The following MCF2L variants were observed in gnomAD, a reference collection of about 807,000 sequenced individuals.
MCF2L encodes MCF.2 cell line derived transforming sequence like, also known as guanine nucleotide exchange factor DBS.
Under a neutral mutation model 153.4 loss-of-function variants are expected in MCF2L, and 97 were observed. The observed-to-expected ratio is 0.63, with a 90% CI of 0.54 to 0.75. MCF2L has a LOEUF of 0.75. MCF2L is among the 30% of genes least tolerant of loss of function. The pLI, the probability that MCF2L is intolerant of heterozygous loss-of-function variation, is 0.00. For missense variants in MCF2L, 1,347 were observed against 1,495.2 expected (o/e 0.90, Z 1.64); for synonymous variants, 659 against 632.2 (o/e 1.04, Z -0.64).
chr13:113,007,916 CTTTTTTTTTTTTT>C (rs55800416), intron 1 of MCF2L, among the ~76,000 whole-genome samples: 71 of 112,958 alleles, frequency 6.3e-4, no homozygotes, highest in South Asian at 1.3e-3. Flanking sequence ...TTTTCTTTTT[CTTTTTTTTTTTTT>C]TTTTTGAGAT....
intron 9 of MCF2L, among the ~76,000 whole-genome samples, chr13:113,073,144 C>G (rs1411989716): frequency 1.3e-5 from 2 of 148,344 alleles, no homozygotes; most frequent in African/African-American, 5.0e-5. Flanking sequence ...TCTTTCCATT[C>G]TTGATTTCAA....
intron 2 of MCF2L, among the ~76,000 whole-genome samples, chr13:112,915,410 C>CACAAAAAAAAAAAAA (rs1555349857): frequency 1.2e-5 from 1 of 86,924 alleles, no homozygotes; most frequent in African/African-American, 5.3e-5. Context: ...CTCTGTCTCA[C>CACAAAAAAAAAAAAA]AAAAAAAAAA....
chr13:112,916,441 C>G (rs541300562), intron 2 of MCF2L, among the ~76,000 whole-genome samples: 2 of 152,276 alleles, frequency 1.3e-5, no homozygotes, highest in South Asian at 2.1e-4. Flanking sequence ...GGTGTTTCAT[C>G]AGTCTTTGGG....
At position 113,035,283 on chromosome 13, in the gene MCF2L, G is replaced by A. The variant is rs1368634136; in HGVS notation, c.279-9988G>A. ...ACCATGTAGTGCACTTATGAATCGT[G>A]CATATTTTACTCTAAGGCCTGTCTG... is the stretch of plus-strand genomic sequence containing the variant. On this transcript the variant is annotated intron_variant, in intron 3 of 29. Coordinates refer to ENST00000535094, the MANE Select transcript of MCF2L (RefSeq NM_001112732.3). This position sits in a 1 kb window ranked among gnomAD's most constrained non-coding sequence, Gnocchi z 4.4. Among the ~76,000 whole-genome samples, 8 of 152,186 alleles carry A rather than the reference G, an allele frequency of 5.3e-5. No individual in the cohort carries two copies. The highest frequency in any genetic ancestry group is 1.2e-4 in the Non-Finnish European group (8 of 68,042).
At position 113,065,029 on chromosome 13, in the gene MCF2L, G is replaced by T. The variant is rs368858019; in HGVS notation, c.700G>T (p.Val234Phe). The T allele has an allele frequency of 4.3e-6, 7 of 1,612,610 alleles. No individual in the cohort carries two copies. Among genetic ancestry groups the T allele is most frequent in the East Asian group, 4.5e-5 (2 of 44,868 alleles). Residue 234 changes from valine to phenylalanine, a missense_variant, in exon 7 of 30, where the codon GTC becomes TTC. Around this residue, in one of 3 missense-constraint regions of MCF2L, gnomAD observed 820 missense variants for 921.2 expected, o/e 0.89. Coordinates refer to ENST00000535094, the MANE Select transcript of MCF2L (RefSeq NM_001112732.3). Reference protein sequence around the residue: ...ELAETELPNDVQSTSSVLCAH... With the variant: ...ELAETELPNDFQSTSSVLCAH... ...GGCTGAAACAGAGCTGCCCAATGAC[G>T]TCCAGTCGACAAGCTCAGTGCTGTG...
chr13:113,045,386 C>T lies in MCF2L; in HGVS notation c.369+25C>T. The T allele has an allele frequency of 6.3e-7, 1 of 1,592,988 alleles. No homozygotes were observed. The highest frequency in any genetic ancestry group is 8.6e-7 in the Non-Finnish European group (1 of 1,161,296). The stretch of plus-strand genomic sequence containing the variant: ...AGTAAGTGCCACCCGGGGCTCTGCC[C>T]TGCGCCCGGCCCCTCCCTGGGCTGC... On this transcript the variant is annotated intron_variant, in intron 4 of 29. Transcript: ENST00000535094. This position sits in a 1 kb window ranked among gnomAD's most constrained non-coding sequence, Gnocchi z 4.2.
Position 113,090,100 on chromosome 13 carries a change from T to G in MCF2L, c.2953+372T>G, listed in dbSNP as rs571065553. 2.8e-5 allele frequency: 43 copies of G among 1,549,992 alleles called. No individual in the cohort carries two copies. The African/African-American group carries it at 5.6e-4, about 20-fold the overall frequency. On this transcript the variant is annotated intron_variant, in intron 26 of 29. Transcript: ENST00000535094. ...GGTCACTAGCTCTGCCTCAGAAAGC[T>G]CTGCGCTTTCCAGAAAGCGCTTTAC...
chr13:112,970,804 A>G (rs2082015108), intron 1 of MCF2L, among the ~76,000 whole-genome samples: 1 of 152,298 alleles, frequency 6.6e-6, no homozygotes, highest in African/African-American at 2.4e-5. Flanking sequence ...GAAAAAGGCT[A>G]TCTCAGAAGA....
chr13:112,918,295 G>A (rs1175553661), intron 2 of MCF2L, among the ~76,000 whole-genome samples: 1 of 152,226 alleles, frequency 6.6e-6, no homozygotes, highest in African/African-American at 2.4e-5. Flanking sequence ...TAACACTGGG[G>A]ATGGGGATCA....
intron 4 of MCF2L, among the ~76,000 whole-genome samples, chr13:113,058,540 G>T (rs182242144): frequency 6.6e-6 from 1 of 151,042 alleles, no homozygotes; most frequent in East Asian, 2.0e-4. Context: ...TTTTGGCGCT[G>T]TGTGGGTGCT....
intron 27 of MCF2L, 175 bp from the exon 28 acceptor site, chr13:113,096,196 G>C (rs1258761951): frequency 4.9e-6 from 3 of 616,058 alleles, no homozygotes; most frequent in East Asian, 5.5e-5. Context: ...CGCTGCGGTA[G>C]TCATGCCCTG....
intron 2 of MCF2L, among the ~76,000 whole-genome samples, chr13:112,929,240 T>A (rs1042574945): frequency 6.6e-6 from 1 of 152,244 alleles, no homozygotes; most frequent in Non-Finnish European, 1.5e-5. Context: ...AAATGGCCAC[T>A]GGGTCTCCCT....
At chr13:113,062,269 G>A (rs998460801) in intron 5 of MCF2L, among the ~76,000 whole-genome samples, 4 of 152,088 alleles carry the variant, frequency 2.6e-5, no homozygotes, top group African/African-American at 9.7e-5. Flanking sequence ...TGCGTGTGCA[G>A]CTCAGAGCTC....
chr13:113,072,028 G>A (rs2032969232), intron 9 of MCF2L, among the ~76,000 whole-genome samples: 1 of 152,148 alleles, frequency 6.6e-6, no homozygotes, highest in African/African-American at 2.4e-5. Flanking sequence ...TTTCATCAGT[G>A]TCGAGTAGTT....
intron 27 of MCF2L, chr13:113,095,184 A>C: frequency 2.4e-6 from 3 of 1,250,194 alleles, no homozygotes; most frequent in Non-Finnish European, 3.1e-6. Flanking sequence ...AAAAGCTGCC[A>C]TGTGTTAATC....
At chr13:113,071,474 A>T (rs2141885925) in intron 9 of MCF2L, among the ~76,000 whole-genome samples, 1 of 152,318 alleles carries the variant, frequency 6.6e-6, no homozygotes, top group South Asian at 2.1e-4. Flanking sequence ...TTCCAAGTAT[A>T]TTCCCCTAAG....
chr13:113,065,328 G>A, intron 7 of MCF2L: 1 of 531,508 alleles, frequency 1.9e-6, no homozygotes, highest in African/African-American at 1.9e-5. Context: ...GGCTGCGCCT[G>A]CCATTCTGGC....
At chr13:112,911,533 C>T (rs1594311500) in intron 2 of MCF2L, among the ~76,000 whole-genome samples, 1 of 152,370 alleles carries the variant, frequency 6.6e-6, no homozygotes, top group East Asian at 1.9e-4. Context: ...GCCCACCATG[C>T]TCCTCTGAAA....
chr13:112,926,271 ATATACACAGCGGAGTGCTG>A (rs2081401858), intron 2 of MCF2L, among the ~76,000 whole-genome samples: 1 of 151,296 alleles, frequency 6.6e-6, no homozygotes, highest in Non-Finnish European at 1.5e-5. Context: ...GGCCTGGTCT[ATATACACAGCGGAGTGCTG>A]CATGGCCTGG....
Sources: gnomAD v4.1 joint callset for allele counts (sites outside exome capture counted in the v4.1 genomes callset) on GRCh38, gnomAD v4.1.1 for gene constraint, gnomAD v4.1.1 regional missense constraint, Gnocchi (gnomAD v3.1) non-coding constraint, MANE v1.5 for transcripts, NCBI Gene and HGNC (gene_info 2026-07-23, HGNC 2026-07-21) for gene names.